The following UVRAG variants were observed in gnomAD, a reference collection of about 807,000 sequenced individuals.
UVRAG encodes the protein UV radiation resistance associated.
UVRAG carries 19 observed loss-of-function variants against 78.0 expected under a neutral mutation model. The ratio of observed to expected loss-of-function variants is 0.24; its 90% CI spans 0.17 to 0.36. UVRAG has a LOEUF of 0.36. Ranked by LOEUF, UVRAG falls within the 10% of genes least tolerant of loss-of-function variation. The pLI is 1.00. For missense variants in UVRAG, 740 were observed against 853.8 expected (o/e 0.87, Z 1.66); for synonymous variants, 323 against 324.6 (o/e 1.00, Z 0.05).
intron 1 of UVRAG, among the ~76,000 whole-genome samples, chr11:75,842,169 A>G (rs1030722194): frequency 6.6e-6 from 1 of 152,188 alleles, no homozygotes; most frequent in East Asian, 1.9e-4. Context: ...TAGCCTCAGA[A>G]GTCACATAGC....
At chr11:76,002,611 A>G (rs933624298) in intron 8 of UVRAG, among the ~76,000 whole-genome samples, 2 of 152,214 alleles carry the variant, frequency 1.3e-5, no homozygotes, top group African/African-American at 4.8e-5. Context: ...ATGTGGGGAT[A>G]GAGGGTGTCA....
chr11:75,866,761 A>G (rs997376041), intron 3 of UVRAG, among the ~76,000 whole-genome samples: 3 of 152,160 alleles, frequency 2.0e-5, no homozygotes, highest in Non-Finnish European at 4.4e-5. Context: ...TGACTTGGCA[A>G]ACAAACAAAA....
At chr11:75,924,528 A>T (rs1392322274) in intron 6 of UVRAG, among the ~76,000 whole-genome samples, 3 of 151,658 alleles carry the variant, frequency 2.0e-5, no homozygotes, top group Non-Finnish European at 4.4e-5. Context: ...TGGGACTTAC[A>T]GGCGCCCACC....
At chr11:75,893,049 G>T (rs1027157356) in intron 5 of UVRAG, among the ~76,000 whole-genome samples, 1 of 151,580 alleles carries the variant, frequency 6.6e-6, no homozygotes, top group African/African-American at 2.4e-5. Context: ...ATAGTGGCGG[G>T]TGCCTGTAAT....
At chr11:75,848,519 G>A (rs903534878) in intron 1 of UVRAG, among the ~76,000 whole-genome samples, 16 of 152,174 alleles carry the variant, frequency 1.1e-4, no homozygotes, top group Admixed American at 3.9e-4. Flanking sequence ...GGAGGTGGTC[G>A]TGCTAATTTC....
intron 1 of UVRAG, among the ~76,000 whole-genome samples, chr11:75,843,698 C>T (rs1336764517): frequency 1.3e-5 from 2 of 152,150 alleles, no homozygotes; most frequent in Non-Finnish European, 2.9e-5. Flanking sequence ...GTGGCTCATG[C>T]CTGTAATCCC....
intron 7 of UVRAG, among the ~76,000 whole-genome samples, chr11:75,970,338 G>A (rs1382011861): frequency 6.6e-6 from 1 of 152,190 alleles, no homozygotes; most frequent in African/African-American, 2.4e-5. Context: ...GAATGGGTCA[G>A]GAATTTCATT....
intron 3 of UVRAG, among the ~76,000 whole-genome samples, chr11:75,877,350 C>T (rs1351267311): frequency 2.0e-5 from 3 of 152,186 alleles, no homozygotes; most frequent in Admixed American, 1.3e-4. Context: ...GGCCCGTTCT[C>T]AATGAGCTGT....
chr11:76,111,320 G>GTT (rs1324745098), intron 13 of UVRAG, among the ~76,000 whole-genome samples: 1 of 152,166 alleles, frequency 6.6e-6, no homozygotes, highest in Non-Finnish European at 1.5e-5. Flanking sequence ...GTGGTACCGA[G>GTT]TATCTCATGA....
chr11:76,027,272 A>G (rs1950345393), intron 12 of UVRAG, among the ~76,000 whole-genome samples: 1 of 152,132 alleles, frequency 6.6e-6, no homozygotes, highest in African/African-American at 2.4e-5. Context: ...CCTTTTCCTG[A>G]TTTAGGGAAA....
intron 12 of UVRAG, among the ~76,000 whole-genome samples, chr11:76,018,577 T>G (rs1432080826): frequency 6.6e-6 from 1 of 152,170 alleles, no homozygotes; most frequent in East Asian, 1.9e-4. Flanking sequence ...CCCAGCTAAT[T>G]TTTGTATTTT....
intron 6 of UVRAG, among the ~76,000 whole-genome samples, chr11:75,960,281 C>T (rs1376261816): frequency 6.6e-6 from 1 of 151,240 alleles, no homozygotes; most frequent in African/African-American, 2.4e-5. Flanking sequence ...GGTATGCCTA[C>T]ATACAGAAAT....
chr11:75,959,591 T>A lies in UVRAG; in HGVS notation c.594-1853T>A, dbSNP rs564794163. On this transcript the variant is annotated intron_variant, in intron 6 of 14. Transcript: ENST00000356136. ...TGGTTTGATCTTGCATCCAGACCAG[T>A]AAAACTCTTTCCGCATCAGCAATAA... 1.1e-3 allele frequency among the ~76,000 whole-genome samples: 160 copies of A among 152,346 alleles called. 1 individual carries two copies. The highest frequency in any genetic ancestry group is 2.0e-3 in the Non-Finnish European group (136 of 68,030).
chr11:75,834,870 G>T (rs1453423802), intron 1 of UVRAG, among the ~76,000 whole-genome samples: 4 of 152,020 alleles, frequency 2.6e-5, no homozygotes, highest in Non-Finnish European at 4.4e-5. Flanking sequence ...GTAGCAAAGG[G>T]TCTCACTATG....
chr11:76,016,335 T>C (rs1950144427), intron 11 of UVRAG, among the ~76,000 whole-genome samples: 1 of 152,178 alleles, frequency 6.6e-6, no homozygotes, highest in Non-Finnish European at 1.5e-5. Flanking sequence ...CCCATAAGAA[T>C]GATTATACTA....
intron 3 of UVRAG, among the ~76,000 whole-genome samples, chr11:75,865,658 A>T (rs1312971947): frequency 6.6e-6 from 1 of 151,204 alleles, no homozygotes; most frequent in African/African-American, 2.4e-5. Context: ...CTTGTCGCCC[A>T]GGCTGGGGTG....
intron 1 of UVRAG, among the ~76,000 whole-genome samples, chr11:75,848,592 T>A (rs1946084951): frequency 6.6e-6 from 1 of 152,344 alleles, no homozygotes; most frequent in African/African-American, 2.4e-5. Flanking sequence ...TATTATAGAT[T>A]CGATCTCCGT....
At chr11:75,830,553 G>A (rs1191874543) in intron 1 of UVRAG, among the ~76,000 whole-genome samples, 1 of 152,170 alleles carries the variant, frequency 6.6e-6, no homozygotes, top group Admixed American at 6.5e-5. Flanking sequence ...TTACAGGTGT[G>A]AGCCACTGCG....
At chr11:75,820,352 T>G (rs1215625076) in intron 1 of UVRAG, among the ~76,000 whole-genome samples, 1 of 131,444 alleles carries the variant, frequency 7.6e-6, no homozygotes, top group Non-Finnish European at 1.6e-5. Flanking sequence ...CTAGTTTCAC[T>G]TATTCTTTTT....
Sources: allele counts gnomAD v4.1 joint callset (sites outside exome capture counted in the v4.1 genomes callset), GRCh38; gene constraint gnomAD v4.1.1; transcripts MANE v1.5; gene names NCBI Gene and HGNC (gene_info 2026-07-23, HGNC 2026-07-21).